Variants in MEX3C observed in about 807,000 individuals in gnomAD.
MEX3C encodes the protein mex-3 RNA binding family member C, also known as RNA-binding E3 ubiquitin-protein ligase MEX3C.
Under a neutral mutation model 35.5 loss-of-function variants are expected in MEX3C, and 15 were observed. The ratio of observed to expected loss-of-function variants is 0.42; its 90% confidence interval spans 0.28 to 0.65. MEX3C has a LOEUF of 0.65. MEX3C is among the 30% of genes least tolerant of loss of function. The pLI is 0.20. For synonymous variants in MEX3C, 390 were observed against 352.8 expected (o/e 1.11, Z -1.18); for missense variants, 711 against 842.8 (o/e 0.84, Z 1.94).
chr18:51,196,532 C>T, intron 1 of MEX3C, 35 bp downstream of exon 1: 1 of 1,538,886 alleles, frequency 6.5e-7, no homozygotes. Flanking sequence ...CGCCCGGGGC[C>T]ATGCCCAGCT....
chr18:51,184,086 CAATG>C (rs1391230048), intron 1 of MEX3C, among the ~76,000 whole-genome samples: 1 of 151,918 alleles, frequency 6.6e-6, no homozygotes, highest in Non-Finnish European at 1.5e-5. Flanking sequence ...AGAAAGCAAA[CAATG>C]TATGTTGTAA....
Position 51,196,665 on chromosome 18 carries a change from C to T in MEX3C, c.656G>A (p.Gly219Glu). The change falls in exon 1 of 2, where the codon GGG (glycine) becomes GAG (glutamate). Residue 219 changes from glycine (G) to glutamate (E), a missense_variant. Gly to Glu is a moderately conservative substitution (Grantham distance 98). This residue lies in a region of MEX3C where 354 missense variants were observed against 311.6 expected (regional missense o/e 1.14). Coordinates refer to ENST00000406189, the MANE Select transcript of MEX3C (RefSeq NM_016626.5). ...TCTCCGGAGCAGGGCCGCCTGCTCCCCGTTCAGGGCGGCCGCCGCCGCCCC... is the reference window on the plus strand; with the variant it reads ...TCTCCGGAGCAGGGCCGCCTGCTCCTCGTTCAGGGCGGCCGCCGCCGCCCC... ...GCGAAAAALN[G>E]EQAALLRRKS... 1 of 1,557,896 alleles carries T rather than the reference C, an allele frequency of 6.4e-7. No individual in the cohort carries two copies. The highest frequency in any genetic ancestry group is 8.6e-7 in the Non-Finnish European group (1 of 1,157,608).
intron 1 of MEX3C, 169 bp downstream of exon 1, chr18:51,196,398 A>T: frequency 7.2e-7 from 1 of 1,379,770 alleles, no homozygotes; most frequent in Non-Finnish European, 9.4e-7. Flanking sequence ...GGGTTTTCGC[A>T]AGGTGACCCA....
intron 1 of MEX3C, among the ~76,000 whole-genome samples, chr18:51,185,257 T>C (rs899299730): frequency 6.6e-6 from 1 of 152,252 alleles, no homozygotes; most frequent in Non-Finnish European, 1.5e-5. Context: ...GGCTGTCAGC[T>C]GAGGGTCATT....
In MEX3C at chr18:51,178,263, G is replaced by C. The variant is rs1343843674; in HGVS notation, c.755-687C>G. ...TATTCAAGGACTGCTCTGATTGACA[G>C]ACACAATTTCAAATAAAAGGCCATG... On this transcript the variant is annotated intron_variant, in intron 1 of 1. Transcript: ENST00000406189. Among the ~76,000 whole-genome samples the C allele has an allele frequency of 2.0e-5, 3 of 152,144 alleles. No individual in the cohort carries two copies. In the East Asian group the frequency reaches 5.8e-4, roughly 29 times the overall value.
chr18:51,196,072 C>T (rs1055370991), intron 1 of MEX3C: 4 of 156,152 alleles, frequency 2.6e-5, no homozygotes, highest in African/African-American at 9.6e-5. Context: ...ACCATTTGAA[C>T]ACCCCTTCCC....
chr18:51,192,953 C>T (rs1912682844), intron 1 of MEX3C: 1 of 152,146 alleles, frequency 6.6e-6, no homozygotes, highest in South Asian at 2.1e-4. Context: ...ATGTACTTCT[C>T]CTTGAAGAGA....
At position 51,197,492 on chromosome 18, in the gene MEX3C, G is replaced by T. The variant is rs1912847237; in HGVS notation, c.-172C>A. Among the ~76,000 whole-genome samples, 1 of 147,980 alleles carries T rather than the reference G, an allele frequency of 6.8e-6. No homozygotes were observed. Among genetic ancestry groups the T allele is most frequent in the African/African-American group, 2.5e-5 (1 of 40,612 alleles). ...GAGCGCCAGGGCCGCCCGGAGACCG[G>T]AGAGGGCGGGGTGGAGGGGCAGGGG... On this transcript the variant is annotated 5_prime_UTR_variant, in exon 1 of 2. Transcript: ENST00000406189.
rs1238092887 is a variant in MEX3C, at chr18:51,176,120, T to C, written c.*231A>G. The C allele has an allele frequency of 1.5e-5, 6 of 400,964 alleles. No homozygotes were observed. The highest frequency in any genetic ancestry group is 2.6e-5 in the Non-Finnish European group (6 of 227,196). 24.8% of individuals were successfully genotyped at this position (400,964 alleles called of 1,614,324 possible). ...GCAATTCTTATATAAACTATGTCTCTGGGTCTACAGGATAGTACTAATAAT... is the reference window on the plus strand; with the variant it reads ...GCAATTCTTATATAAACTATGTCTCCGGGTCTACAGGATAGTACTAATAAT... On this transcript the variant is annotated 3_prime_UTR_variant, in exon 2 of 2. Transcript: ENST00000406189.
intron 1 of MEX3C, 176 bp downstream of exon 1, chr18:51,196,391 T>C (rs1008522075): frequency 2.2e-6 from 3 of 1,364,586 alleles, no homozygotes; most frequent in Admixed American, 6.1e-5. Flanking sequence ...AAAGCGTGGG[T>C]TTTCGCAAGG....
At chr18:51,182,611 A>T (rs1241395209) in intron 1 of MEX3C, among the ~76,000 whole-genome samples, 1 of 152,198 alleles carries the variant, frequency 6.6e-6, no homozygotes, top group African/African-American at 2.4e-5. Context: ...AAAACCCTTT[A>T]GCTGCAGCTA....
At position 51,176,714 on chromosome 18, in the gene MEX3C, T is replaced by C; in HGVS notation, c.1617A>G (p.Pro539=). 6.2e-7 allele frequency: 1 copy of C among 1,614,054 alleles called. No homozygotes were observed. Among genetic ancestry groups the C allele is most frequent in the Non-Finnish European group, 8.5e-7 (1 of 1,179,890 alleles). Residue 539 remains proline (P), a synonymous_variant, in exon 2 of 2, where the codon CCA becomes CCG. Transcript: ENST00000406189. ...ATGTAGGAGACAGACGAGGAGTAGA[T>C]GGCTGACTTCCTCTGCGCTGAGTCT... ...NMKTQRRGSQ[P]STPRLSPTFP...
At chr18:51,188,753 CTT>C (rs1433331491) in intron 1 of MEX3C, among the ~76,000 whole-genome samples, 1 of 152,102 alleles carries the variant, frequency 6.6e-6, no homozygotes, top group Non-Finnish European at 1.5e-5. Flanking sequence ...AAGTATTCCA[CTT>C]TGTTTTAGGT....
At chr18:51,193,206 G>T (rs2144559073) in intron 1 of MEX3C, 1 of 151,922 alleles carries the variant, frequency 6.6e-6, no homozygotes, top group South Asian at 2.1e-4. Flanking sequence ...ATTTTTTTTG[G>T]ACAGGGTGTA....
chr18:51,181,060 C>T (rs1402741719), intron 1 of MEX3C, among the ~76,000 whole-genome samples: 1 of 152,072 alleles, frequency 6.6e-6, no homozygotes, highest in African/African-American at 2.4e-5. Context: ...TGTAATTTTG[C>T]AGGTGACGAA....
intron 1 of MEX3C, among the ~76,000 whole-genome samples, chr18:51,187,649 G>A (rs923335528): frequency 6.6e-6 from 1 of 151,888 alleles, no homozygotes; most frequent in African/African-American, 2.4e-5. Context: ...CGGAGGTTGA[G>A]GTCAGCAGAG....
intron 1 of MEX3C, among the ~76,000 whole-genome samples, chr18:51,190,542 T>C (rs1348450672): frequency 6.6e-6 from 1 of 152,226 alleles, no homozygotes; most frequent in Non-Finnish European, 1.5e-5. Context: ...TATTCCATGA[T>C]AGACTTTACT....
rs867583339 is a variant in MEX3C, at chr18:51,196,888, ACAG to A, written c.430_432del (p.Leu144del). The A allele has an allele frequency of 5.8e-6, 9 of 1,540,964 alleles. No homozygotes were observed. Among genetic ancestry groups the A allele is most frequent in the African/African-American group, 1.4e-5 (1 of 72,122 alleles). On this transcript the variant is annotated inframe_deletion, in exon 1 of 2. Coordinates refer to ENST00000406189, the MANE Select transcript of MEX3C (RefSeq NM_016626.5). ...TGAGAGGCGGTGGCCGCGGGCGGCG[ACAG>A]CAGCAGCAGCGACGACCGGTCCTCC...
Position 51,196,929 on chromosome 18 carries a change from T to G in MEX3C, c.392A>C (p.Glu131Ala). The G allele has an allele frequency of 6.5e-7, 1 of 1,543,934 alleles. No homozygotes were observed. The highest frequency in any genetic ancestry group is 1.4e-5 in the African/African-American group (1 of 72,316). ...DGDLLEEEEL[E>A]EAEEEDRSSL... ...CGACCGGTCCTCCTCCTCTGCTTCCTCCAGCTCCTCCTCCTCCAGCAGGTC... is the reference window on the plus strand; with the variant it reads ...CGACCGGTCCTCCTCCTCTGCTTCCGCCAGCTCCTCCTCCTCCAGCAGGTC... The change falls in exon 1 of 2, where the codon GAG (glutamate) becomes GCG (alanine). Residue 131 changes from glutamate (E) to alanine (A), a missense_variant. Glu to Ala is a moderately radical substitution (Grantham distance 107, BLOSUM62 -1). This residue lies in a region of MEX3C where 354 missense variants were observed against 311.6 expected (regional missense o/e 1.14). Coordinates refer to ENST00000406189, the MANE Select transcript of MEX3C (RefSeq NM_016626.5).
Sources: gnomAD v4.1 joint callset for allele counts (sites outside exome capture counted in the v4.1 genomes callset) on GRCh38, gnomAD v4.1.1 for gene constraint, gnomAD v4.1.1 regional missense constraint, MANE v1.5 for transcripts, NCBI Gene and HGNC (gene_info 2026-07-23, HGNC 2026-07-21) for gene names.